The following CSMD1 variants were observed in gnomAD, a reference collection of about 807,000 sequenced individuals.
CSMD1 encodes CUB and Sushi multiple domains 1.
CSMD1 carries 213 observed loss-of-function variants against 417.5 expected under a neutral mutation model. That is an observed-to-expected ratio of 0.51 (90% CI 0.46 to 0.57). The LOEUF (loss-of-function observed/expected upper bound fraction) is 0.57, where lower values mean the gene tolerates loss of function less well. CSMD1 is among the 20% of genes least tolerant of loss of function. The probability of loss-of-function intolerance (pLI) is 0.00; values close to 1 mark genes in which losing one functional copy is unlikely to be tolerated. For synonymous variants in CSMD1, 2,862 were observed against 1,736.8 expected (o/e 1.65, Z -16.11); for missense variants, 6,923 against 4,529.7 (o/e 1.53, Z -15.17).
chr8:4,752,768 G>C (rs1452765310), intron 1 of CSMD1, among the ~76,000 whole-genome samples: 2 of 152,132 alleles, frequency 1.3e-5, no homozygotes, highest in Non-Finnish European at 2.9e-5. Context: ...ACAAAAGTGA[G>C]GTATTGCAGA....
At chr8:4,204,025 C>T (rs535174690) in intron 3 of CSMD1, among the ~76,000 whole-genome samples, 1 of 152,258 alleles carries the variant, frequency 6.6e-6, no homozygotes, top group East Asian at 1.9e-4. Context: ...CACTTGAGCC[C>T]AGTGGGCAGA....
intron 1 of CSMD1, among the ~76,000 whole-genome samples, chr8:4,962,646 A>G (rs1289845525): frequency 6.6e-6 from 1 of 152,156 alleles, no homozygotes; most frequent in Non-Finnish European, 1.5e-5. Context: ...CATCACTTCA[A>G]TTTATTCAGT....
intron 2 of CSMD1, among the ~76,000 whole-genome samples, chr8:4,452,601 A>G (rs183870665): frequency 5.8e-4 from 89 of 152,374 alleles, no homozygotes; most frequent in African/African-American, 1.9e-3. Context: ...CGGTAACGAA[A>G]AAGATAATAG....
At chr8:4,221,122 A>G (rs1350333788) in intron 3 of CSMD1, among the ~76,000 whole-genome samples, 6 of 152,190 alleles carry the variant, frequency 3.9e-5, no homozygotes, top group Non-Finnish European at 7.3e-5. Context: ...GACAAGACAG[A>G]GAATAGAAAT....
At chr8:4,952,975 T>G (rs1050679030) in intron 1 of CSMD1, among the ~76,000 whole-genome samples, 5 of 152,162 alleles carry the variant, frequency 3.3e-5, no homozygotes, top group African/African-American at 1.2e-4. Context: ...AAGGCTGTTT[T>G]TATTCCACAT....
At chr8:3,846,344 G>A (rs183384039) in intron 5 of CSMD1, among the ~76,000 whole-genome samples, 19 of 152,216 alleles carry the variant, frequency 1.2e-4, no homozygotes, top group African/African-American at 1.7e-4. Context: ...TATTTACATG[G>A]TCCATAGCTG....
chr8:4,091,842 G>T (rs1002939674), intron 3 of CSMD1, among the ~76,000 whole-genome samples: 4 of 152,138 alleles, frequency 2.6e-5, no homozygotes, highest in African/African-American at 9.7e-5. Flanking sequence ...ATTTAGCAAT[G>T]GAGAAACAAC....
In CSMD1 at chr8:3,290,607, C is replaced by T. The variant is rs1031792995; in HGVS notation, c.3951-6261G>A. Among the ~76,000 whole-genome samples, 5 of 146,908 alleles carry T rather than the reference C, an allele frequency of 3.4e-5. 1 individual carries two copies. Among genetic ancestry groups the T allele is most frequent in the African/African-American group, 5.4e-5 (2 of 36,782 alleles). Reference sequence around the variant, plus strand: ...AAGCAATTGTGAATGGGAGTTCACTCATGATTTGGCTCTCTGTTTGTCTGT... The same window carrying T: ...AAGCAATTGTGAATGGGAGTTCACTTATGATTTGGCTCTCTGTTTGTCTGT... On this transcript the variant is annotated intron_variant, in intron 25 of 69. Coordinates refer to ENST00000635120, the MANE Select transcript of CSMD1 (RefSeq NM_033225.6).
rs112725343 is a variant in CSMD1, at chr8:4,033,819, C to G, written c.416-1720G>C. ...TCTATCTAAATCAATTGACTTGAAACTCCATTCCACACTTATAGAACATGA... is the reference window on the plus strand; with the variant it reads ...TCTATCTAAATCAATTGACTTGAAAGTCCATTCCACACTTATAGAACATGA... On this transcript the variant is annotated intron_variant, in intron 3 of 69. Transcript: ENST00000635120. Among the ~76,000 whole-genome samples the G allele has an allele frequency of 2.9e-3, 446 of 152,296 alleles. 3 individuals carry two copies. The highest frequency in any genetic ancestry group is 0.01 in the African/African-American group (425 of 41,552).
At chr8:3,813,243 T>C (rs969780388) in intron 5 of CSMD1, among the ~76,000 whole-genome samples, 1 of 152,068 alleles carries the variant, frequency 6.6e-6, no homozygotes, top group Non-Finnish European at 1.5e-5. Context: ...TGTCCTGTCA[T>C]CATTAAGATA....
intron 2 of CSMD1, among the ~76,000 whole-genome samples, chr8:4,597,366 A>C (rs1239096247): frequency 6.6e-6 from 1 of 152,124 alleles, no homozygotes; most frequent in Non-Finnish European, 1.5e-5. Flanking sequence ...CACAGACCTA[A>C]AGTAGTGTGA....
rs150114090 is a variant in CSMD1, at chr8:4,350,592, T to C, written c.415+69361A>G. Among the ~76,000 whole-genome samples, 87 of 152,138 alleles carry C rather than the reference T, an allele frequency of 5.7e-4. 1 individual carries two copies. Among genetic ancestry groups the C allele is most frequent in the African/African-American group, 2.0e-3 (84 of 41,510 alleles). ...TCAATTAACACTTCCACGCTTACAA[T>C]GAGAAAAAGCAGAACAAAACTGACC... is the stretch of plus-strand genomic sequence containing the variant. On this transcript the variant is annotated intron_variant, in intron 3 of 69. Coordinates refer to ENST00000635120, the MANE Select transcript of CSMD1 (RefSeq NM_033225.6).
chr8:4,778,807 G>C (rs914714405), intron 1 of CSMD1, among the ~76,000 whole-genome samples: 1 of 152,206 alleles, frequency 6.6e-6, no homozygotes, highest in African/African-American at 2.4e-5. Flanking sequence ...GGGCTGCTTA[G>C]AATAGCAGAT....
intron 5 of CSMD1, among the ~76,000 whole-genome samples, chr8:3,939,146 G>C (rs1287934541): frequency 6.6e-6 from 1 of 152,186 alleles, no homozygotes; most frequent in East Asian, 1.9e-4. Flanking sequence ...GCCCTGTGGA[G>C]AATAAACCAA....
chr8:3,486,342 G>A (rs887700769), intron 11 of CSMD1, among the ~76,000 whole-genome samples: 1 of 152,090 alleles, frequency 6.6e-6, no homozygotes, highest in Admixed American at 6.5e-5. Flanking sequence ...AGGGAGTCAG[G>A]GATGGTGCAC....
At chr8:3,860,828 G>A (rs1585103323) in intron 5 of CSMD1, among the ~76,000 whole-genome samples, 1 of 152,056 alleles carries the variant, frequency 6.6e-6, no homozygotes, top group African/African-American at 2.4e-5. Context: ...GTGAACAAAC[G>A]TGTTCTCTAA....
Position 4,081,455 on chromosome 8 carries a change from C to T in CSMD1, c.416-49356G>A, listed in dbSNP as rs1211111758. ...GATCACACCTTCTGGGGACTCCAGC[C>T]ACGGTGTCATGGGAACACTAAATTA... On this transcript the variant is annotated intron_variant, in intron 3 of 69. Coordinates refer to ENST00000635120, the MANE Select transcript of CSMD1 (RefSeq NM_033225.6). 2.6e-5 allele frequency among the ~76,000 whole-genome samples: 4 copies of T among 152,096 alleles called. No homozygotes were observed. The South Asian group carries it at 8.3e-4, about 32-fold the overall frequency.
At chr8:3,188,686 A>C (rs2589291) in intron 35 of CSMD1, among the ~76,000 whole-genome samples, 112,824 of 148,624 alleles carry the variant, frequency 0.76, 42,086 homozygotes, top group Non-Finnish European at 0.79. Flanking sequence ...AATATAGAAA[A>C]ATGGTTAGAA....
intron 1 of CSMD1, among the ~76,000 whole-genome samples, chr8:4,743,036 G>C (rs1022453690): frequency 6.6e-6 from 1 of 152,110 alleles, no homozygotes; most frequent in Non-Finnish European, 1.5e-5. Context: ...TATTTTCTAA[G>C]TGTTTTTGTT....
Sources: allele counts gnomAD v4.1 joint callset (sites outside exome capture counted in the v4.1 genomes callset), GRCh38; gene constraint gnomAD v4.1.1; transcripts MANE v1.5; gene names NCBI Gene and HGNC (gene_info 2026-07-23, HGNC 2026-07-21).